Variants in HMGCLL1 observed in about 807,000 individuals in gnomAD.
The protein encoded by HMGCLL1 is 3-hydroxymethyl-3-methylglutaryl-CoA lyase, cytoplasmic.
In HMGCLL1, 36 loss-of-function variants were observed where a neutral mutation model predicts 39.1. The ratio of observed to expected loss-of-function variants is 0.92; its 90% confidence interval spans 0.71 to 1.22. The LOEUF (loss-of-function observed/expected upper bound fraction) is 1.22, where lower values mean the gene tolerates loss of function less well. Among genes scored for constraint, HMGCLL1 ranks in the 50% most tolerant of loss-of-function variants. The probability of loss-of-function intolerance (pLI) is 0.00; values close to 1 mark genes in which losing one functional copy is unlikely to be tolerated. For missense variants in HMGCLL1, 451 were observed against 416.5 expected (o/e 1.08, Z -0.72); for synonymous variants, 149 against 144.0 (o/e 1.03, Z -0.25).
the HMGCLL1 span, among the ~76,000 whole-genome samples, chr6:55,585,187 C>A: frequency 3.3e-5 from 5 of 152,138 alleles, no homozygotes; most frequent in East Asian, 9.7e-4. Flanking sequence ...TAACACCCCA[C>A]CCCAGGTGAT....
chr6:55,566,366 A>C (rs1771211110), intron 1 of HMGCLL1: 1 of 240,144 alleles, frequency 4.2e-6, no homozygotes, highest in Non-Finnish European at 8.6e-6. Context: ...TGAAATGCAG[A>C]TTTCATAGAA....
intron 5 of HMGCLL1, among the ~76,000 whole-genome samples, chr6:55,504,817 CT>C (rs1170523103): frequency 6.6e-6 from 1 of 151,706 alleles, no homozygotes; most frequent in East Asian, 1.9e-4. Context: ...TTTTTACCTT[CT>C]GAATACTTGT....
intron 1 of HMGCLL1, among the ~76,000 whole-genome samples, chr6:55,559,408 C>T (rs185575684): frequency 6.6e-6 from 1 of 152,140 alleles, no homozygotes; most frequent in African/African-American, 2.4e-5. Flanking sequence ...AACTCTGCTG[C>T]CATCCCCACA....
At chr6:55,588,972 C>T in the HMGCLL1 span, among the ~76,000 whole-genome samples, 1 of 129,428 alleles carries the variant, frequency 7.7e-6, no homozygotes, top group Non-Finnish European at 1.6e-5. Context: ...AATTCTACCA[C>T]AGGTACAAGG....
chr6:55,499,624 T>A (rs1200298410), intron 5 of HMGCLL1, among the ~76,000 whole-genome samples: 1 of 152,066 alleles, frequency 6.6e-6, no homozygotes, highest in African/African-American at 2.4e-5. Context: ...TATATGGTTT[T>A]ATTAAAATAA....
intron 1 of HMGCLL1, chr6:55,576,985 T>C (rs1771788895): frequency 6.5e-7 from 1 of 1,535,014 alleles, no homozygotes; most frequent in Non-Finnish European, 8.9e-7. Context: ...AAAACACTGG[T>C]ACACAAACAG....
At chr6:55,510,488 G>A (rs1032052370) in intron 5 of HMGCLL1, among the ~76,000 whole-genome samples, 4 of 151,374 alleles carry the variant, frequency 2.6e-5, no homozygotes, top group African/African-American at 9.7e-5. Flanking sequence ...CATGTCCTTT[G>A]TAGGGACATG....
At position 55,446,266 on chromosome 6, in the gene HMGCLL1, ATATT is replaced by A. The variant is rs569257272; in HGVS notation, c.796-6711_796-6708del. On this transcript the variant is annotated intron_variant, in intron 7 of 8. Transcript: ENST00000274901. ...TTCATATATAACATATATAACATGT[ATATT>A]TATAACATATTTATTTAAATATTTA... Among the ~76,000 whole-genome samples, 325 of 148,388 alleles carry A rather than the reference ATATT, an allele frequency of 2.2e-3. 4 individuals are homozygous for A. Among genetic ancestry groups the A allele is most frequent in the Non-Finnish European group, 3.5e-3 (236 of 67,220 alleles).
chr6:55,670,404 G>T, the HMGCLL1 span, among the ~76,000 whole-genome samples: 1 of 151,648 alleles, frequency 6.6e-6, no homozygotes, highest in East Asian at 1.9e-4. Flanking sequence ...AAAATACCAT[G>T]AATAAACAAG....
At chr6:55,653,268 A>G in the HMGCLL1 span, among the ~76,000 whole-genome samples, 1 of 152,060 alleles carries the variant, frequency 6.6e-6, no homozygotes, top group Non-Finnish European at 1.5e-5. Context: ...TTCTTGTTGT[A>G]TCCAGTAATC....
the HMGCLL1 span, among the ~76,000 whole-genome samples, chr6:55,650,950 T>A: frequency 6.6e-6 from 1 of 152,036 alleles, no homozygotes; most frequent in Admixed American, 6.6e-5. Context: ...GGCTCCCAAC[T>A]GGCCCAGGGT....
At chr6:55,547,504 T>C (rs1770055436) in intron 1 of HMGCLL1, among the ~76,000 whole-genome samples, 1 of 152,008 alleles carries the variant, frequency 6.6e-6, no homozygotes, top group African/African-American at 2.4e-5. Context: ...CCAGACATAT[T>C]TGCTTATGTT....
At chr6:55,678,091 G>A in the HMGCLL1 span, among the ~76,000 whole-genome samples, 1 of 152,104 alleles carries the variant, frequency 6.6e-6, no homozygotes, top group Admixed American at 6.6e-5. Context: ...TTAATAGTCA[G>A]GAAGCTACCA....
intron 7 of HMGCLL1, among the ~76,000 whole-genome samples, chr6:55,460,685 T>C (rs1397695635): frequency 2.0e-5 from 3 of 151,960 alleles, no homozygotes; most frequent in Admixed American, 1.3e-4. Flanking sequence ...TATGTTTATC[T>C]ATCCATGGCA....
the HMGCLL1 span, among the ~76,000 whole-genome samples, chr6:55,600,664 T>A: frequency 2.6e-4 from 39 of 152,128 alleles, no homozygotes; most frequent in Middle Eastern, 3.4e-3. Context: ...TTCTAAAGAA[T>A]AAAAAAATTA....
At chr6:55,463,204 C>A (rs1236019778) in intron 7 of HMGCLL1, among the ~76,000 whole-genome samples, 3 of 151,256 alleles carry the variant, frequency 2.0e-5, no homozygotes, top group Non-Finnish European at 4.4e-5. Flanking sequence ...TAATTTTTTT[C>A]TATTTTTAGT....
At chr6:55,572,885 G>A (rs1581965541) in intron 1 of HMGCLL1, among the ~76,000 whole-genome samples, 2 of 152,148 alleles carry the variant, frequency 1.3e-5, no homozygotes, top group Non-Finnish European at 2.9e-5. Flanking sequence ...GAGTATTTCA[G>A]CAGCCAATAT....
At chr6:55,602,775 A>G in the HMGCLL1 span, among the ~76,000 whole-genome samples, 2 of 152,110 alleles carry the variant, frequency 1.3e-5, no homozygotes, top group African/African-American at 2.4e-5. Flanking sequence ...CCAATTGGAA[A>G]TGCATCAGCT....
At chr6:55,673,559 G>A in the HMGCLL1 span, among the ~76,000 whole-genome samples, 2 of 151,818 alleles carry the variant, frequency 1.3e-5, no homozygotes, top group Non-Finnish European at 2.9e-5. Flanking sequence ...AGCAAACACC[G>A]TTAACAGAAT....
Sources: gnomAD v4.1 joint callset for allele counts (sites outside exome capture counted in the v4.1 genomes callset) on GRCh38, gnomAD v4.1.1 for gene constraint, MANE v1.5 for transcripts, NCBI Gene and HGNC (gene_info 2026-07-23, HGNC 2026-07-21) for gene names.